The following CNGB3 variants were observed in gnomAD, a reference collection of about 807,000 sequenced individuals.
The protein encoded by CNGB3 is cyclic nucleotide-gated channel beta-3.
CNGB3 carries 86 observed loss-of-function variants against 92.8 expected under a neutral mutation model. That is an observed-to-expected ratio of 0.93 (90% CI 0.78 to 1.11). CNGB3 has a LOEUF of 1.11. Ranked by LOEUF, CNGB3 falls within the 50% of genes least tolerant of loss-of-function variation. The probability of loss-of-function intolerance (pLI) is 0.00; values close to 1 mark genes in which losing one functional copy is unlikely to be tolerated. For synonymous variants in CNGB3, 333 were observed against 332.7 expected, an observed-to-expected ratio of 1.00 and a Z score of -0.01; for missense variants, 1,026 against 956.8, an observed-to-expected ratio of 1.07 and a Z score of -0.95.
At chr8:86,626,231 A>T in intron 12 of CNGB3, 151 bp from the exon 13 acceptor site, 2 of 673,342 alleles carry the variant, frequency 3.0e-6, no homozygotes, top group Non-Finnish European at 5.3e-6. Flanking sequence ...TATTTTCATT[A>T]CTTCTATTGG....
chr8:86,735,135 A>G (rs1825226563), intron 2 of CNGB3, among the ~76,000 whole-genome samples: 1 of 48,550 alleles, frequency 2.1e-5, no homozygotes, highest in Non-Finnish European at 3.5e-5. Flanking sequence ...TCATTTTTAA[A>G]ATGGTTGCCT....
chr8:86,721,987 A>G lies in CNGB3; in HGVS notation c.338+4544T>C, dbSNP rs149843500. ...CTATTTTAAAACCACCCAAATAGAG[A>G]CTGATTGCTATTATGAACAAAGAAG... On this transcript the variant is annotated intron_variant, in intron 3 of 17. Transcript: ENST00000320005. Among the ~76,000 whole-genome samples, 337 of 152,256 alleles carry G rather than the reference A, an allele frequency of 2.2e-3. 5 individuals are homozygous for G. Among genetic ancestry groups the G allele is most frequent in the African/African-American group, 7.9e-3 (327 of 41,554 alleles).
intron 7 of CNGB3, among the ~76,000 whole-genome samples, chr8:86,648,511 T>G (rs1190851954): frequency 6.6e-6 from 1 of 151,310 alleles, no homozygotes; most frequent in Non-Finnish European, 1.5e-5. Flanking sequence ...GAGAAGGTAT[T>G]GAAAATATTA....
intron 8 of CNGB3, among the ~76,000 whole-genome samples, chr8:86,646,462 T>C (rs1389230904): frequency 6.6e-6 from 1 of 151,242 alleles, no homozygotes; most frequent in Non-Finnish European, 1.5e-5. Flanking sequence ...CTGCCCCTCA[T>C]ATGCAGTGTG....
intron 13 of CNGB3, among the ~76,000 whole-genome samples, chr8:86,611,937 G>A (rs1407912251): frequency 6.6e-6 from 1 of 152,056 alleles, no homozygotes; most frequent in Admixed American, 6.6e-5. Context: ...CTCATCCTCA[G>A]TTTCCTAACC....
chr8:86,731,918 C>A (rs962423463), intron 2 of CNGB3, among the ~76,000 whole-genome samples: 2 of 152,124 alleles, frequency 1.3e-5, no homozygotes, highest in African/African-American at 2.4e-5. Context: ...GATACAAAAA[C>A]TTCCATTTAC....
chr8:86,637,951 T>C (rs1261783881), intron 10 of CNGB3, among the ~76,000 whole-genome samples: 1 of 152,190 alleles, frequency 6.6e-6, no homozygotes, highest in Non-Finnish European at 1.5e-5. Flanking sequence ...TTGCCTGTTT[T>C]AGAATTTCAC....
At chr8:86,686,586 A>G (rs1824192551) in intron 3 of CNGB3, among the ~76,000 whole-genome samples, 1 of 152,090 alleles carries the variant, frequency 6.6e-6, no homozygotes, top group Non-Finnish European at 1.5e-5. Flanking sequence ...AAACTGTGTA[A>G]GAATCCTTTT....
intron 3 of CNGB3, among the ~76,000 whole-genome samples, chr8:86,681,678 G>A (rs1265296795): frequency 1.3e-5 from 2 of 152,020 alleles, no homozygotes; most frequent in South Asian, 4.1e-4. Flanking sequence ...AGAAATCTCA[G>A]AACACTAAAA....
At chr8:86,591,193 G>C (rs919336639) in intron 15 of CNGB3, among the ~76,000 whole-genome samples, 2 of 145,270 alleles carry the variant, frequency 1.4e-5, no homozygotes, top group Admixed American at 6.9e-5. Flanking sequence ...AGCTCCATCA[G>C]CTCCTTTAAG....
chr8:86,677,957 A>C (rs1441018782), intron 3 of CNGB3, among the ~76,000 whole-genome samples: 1 of 152,180 alleles, frequency 6.6e-6, no homozygotes, highest in African/African-American at 2.4e-5. Context: ...GATTCCTTTT[A>C]ATTCTTAATT....
chr8:86,726,011 T>C (rs1171499367), intron 3 of CNGB3, among the ~76,000 whole-genome samples: 6 of 152,216 alleles, frequency 3.9e-5, no homozygotes, highest in Non-Finnish European at 8.8e-5. Context: ...CCAATACTCT[T>C]ACGGGAAGTA....
chr8:86,676,651 A>G (rs1236988813), intron 3 of CNGB3, among the ~76,000 whole-genome samples: 1 of 152,214 alleles, frequency 6.6e-6, no homozygotes, highest in Non-Finnish European at 1.5e-5. Flanking sequence ...ATGGAATTCC[A>G]TGTTTGGTCA....
intron 6 of CNGB3, chr8:86,659,912 G>A: frequency 2.6e-6 from 1 of 383,046 alleles, no homozygotes; most frequent in South Asian, 2.2e-5. Flanking sequence ...TAGACTCAGA[G>A]GCAAGACAAT....
At chr8:86,628,866 T>G in intron 12 of CNGB3, 53 bp downstream of exon 12, 1 of 1,593,494 alleles carries the variant, frequency 6.3e-7, no homozygotes, top group Non-Finnish European at 8.6e-7. Context: ...TTACAGAATT[T>G]TCATCATATG....
At chr8:86,675,220 C>T (rs1397207434) in intron 3 of CNGB3, among the ~76,000 whole-genome samples, 1 of 151,962 alleles carries the variant, frequency 6.6e-6, no homozygotes, top group Non-Finnish European at 1.5e-5. Flanking sequence ...CTTCGGCCTC[C>T]CAGAGTGCCG....
chr8:86,713,530 T>C (rs994498743), intron 3 of CNGB3, among the ~76,000 whole-genome samples: 1 of 152,200 alleles, frequency 6.6e-6, no homozygotes, highest in African/African-American at 2.4e-5. Flanking sequence ...ATATACTGTA[T>C]CCTAAATGAA....
intron 13 of CNGB3, among the ~76,000 whole-genome samples, chr8:86,615,035 G>A (rs1389527222): frequency 1.3e-5 from 2 of 152,136 alleles, no homozygotes; most frequent in South Asian, 2.1e-4. Context: ...AAATACAAAC[G>A]AAAAATACGG....
intron 3 of CNGB3, among the ~76,000 whole-genome samples, chr8:86,722,540 G>T (rs7841121): frequency 6.6e-6 from 1 of 152,082 alleles, no homozygotes; most frequent in Admixed American, 6.5e-5. Context: ...GAGCCATAAC[G>T]TGCCCAGATA....
Sources: allele counts gnomAD v4.1 joint callset (sites outside exome capture counted in the v4.1 genomes callset), GRCh38; gene constraint gnomAD v4.1.1; transcripts MANE v1.5; gene names NCBI Gene and HGNC (gene_info 2026-07-23, HGNC 2026-07-21).